The following REEP1 variants were observed in gnomAD, a reference collection of about 807,000 sequenced individuals.
The protein encoded by REEP1 is receptor accessory protein 1, also known as receptor expression-enhancing protein 1.
Under a neutral mutation model 40.3 loss-of-function variants are expected in REEP1, and 22 were observed. The ratio of observed to expected loss-of-function variants is 0.55; its 90% CI spans 0.39 to 0.78. REEP1 has a LOEUF of 0.78. Ranked by LOEUF, REEP1 falls within the 30% of genes least tolerant of loss-of-function variation. REEP1 has a pLI of 0.00. For missense variants in REEP1, 280 were observed against 361.1 expected (o/e 0.78, Z 1.82); for synonymous variants, 116 against 139.2 (o/e 0.83, Z 1.17).
chr2:86,278,103 G>A (rs1203956204), intron 2 of REEP1, among the ~76,000 whole-genome samples: 1 of 152,060 alleles, frequency 6.6e-6, no homozygotes, highest in Non-Finnish European at 1.5e-5. Flanking sequence ...TTCAACATGT[G>A]TTCATTTTAT....
At chr2:86,243,795 T>G (rs894946453) in intron 5 of REEP1, among the ~76,000 whole-genome samples, 1 of 152,226 alleles carries the variant, frequency 6.6e-6, no homozygotes, top group Non-Finnish European at 1.5e-5. Context: ...ATTCTAAATA[T>G]TAACTTCATG....
At chr2:86,278,253 G>T (rs1677873855) in intron 2 of REEP1, among the ~76,000 whole-genome samples, 1 of 152,142 alleles carries the variant, frequency 6.6e-6, no homozygotes, top group South Asian at 2.1e-4. Context: ...TCTAAGTATA[G>T]ATTTTAATAT....
At chr2:86,221,967 G>A (rs1443629537) in intron 7 of REEP1, among the ~76,000 whole-genome samples, 1 of 152,150 alleles carries the variant, frequency 6.6e-6, no homozygotes, top group Non-Finnish European at 1.5e-5. Flanking sequence ...CATGGAAGTG[G>A]GGTGGGTACC....
At chr2:86,316,798 G>A (rs1449656610) in intron 1 of REEP1, among the ~76,000 whole-genome samples, 1 of 152,164 alleles carries the variant, frequency 6.6e-6, no homozygotes, top group Admixed American at 6.5e-5. Context: ...GGCAGAGGTT[G>A]CAGTGGGCCG....
chr2:86,294,886 A>G (rs1678901351), intron 1 of REEP1, among the ~76,000 whole-genome samples: 1 of 152,198 alleles, frequency 6.6e-6, no homozygotes, highest in Admixed American at 6.5e-5. Context: ...AGAAGGGCTC[A>G]GAACTGCTAA....
intron 5 of REEP1, among the ~76,000 whole-genome samples, chr2:86,240,319 A>T (rs1255903851): frequency 6.6e-6 from 1 of 152,226 alleles, no homozygotes; most frequent in East Asian, 1.9e-4. Context: ...GCATCAAGAC[A>T]CAAAAGTGCA....
chr2:86,308,479 T>C (rs1679608428), intron 1 of REEP1, among the ~76,000 whole-genome samples: 1 of 152,148 alleles, frequency 6.6e-6, no homozygotes, highest in African/African-American at 2.4e-5. Context: ...CGCTTGAGCA[T>C]GGCAGGCGAA....
chr2:86,283,207 G>A (rs1378478930), intron 1 of REEP1, among the ~76,000 whole-genome samples: 1 of 152,220 alleles, frequency 6.6e-6, no homozygotes. Context: ...TAAGTGCCTT[G>A]AGGGCAGATA....
At chr2:86,329,660 A>T (rs1680674106) in intron 1 of REEP1, among the ~76,000 whole-genome samples, 1 of 152,088 alleles carries the variant, frequency 6.6e-6, no homozygotes, top group Non-Finnish European at 1.5e-5. Flanking sequence ...CTCAGGCTTT[A>T]TGGGGATCTT....
intron 1 of REEP1, among the ~76,000 whole-genome samples, chr2:86,333,207 T>G (rs576955401): frequency 3.9e-4 from 60 of 152,320 alleles, no homozygotes; most frequent in African/African-American, 1.4e-3. Flanking sequence ...TAGCTTATAT[T>G]TAAGGATTTA....
chr2:86,219,897 C>T (rs895576595), intron 8 of REEP1, 73 bp downstream of exon 8: 1 of 1,184,122 alleles, frequency 8.4e-7, no homozygotes, highest in Non-Finnish European at 1.1e-6. Context: ...GATGCTGCTC[C>T]CAGGACCCCC....
intron 1 of REEP1, among the ~76,000 whole-genome samples, chr2:86,294,308 CAATTA>C (rs1192346119): frequency 6.6e-6 from 1 of 151,952 alleles, no homozygotes; most frequent in Non-Finnish European, 1.5e-5. Flanking sequence ...GCTTTTATCA[CAATTA>C]AAATAAAATA....
intron 5 of REEP1, among the ~76,000 whole-genome samples, chr2:86,234,562 T>C (rs909923917): frequency 1.3e-5 from 2 of 152,006 alleles, no homozygotes; most frequent in Non-Finnish European, 2.9e-5. Flanking sequence ...AAAAGCAAGA[T>C]GCACTAAAAT....
Position 86,334,392 on chromosome 2 carries a change from G to A in REEP1, c.32+3087C>T, listed in dbSNP as rs115105547. 2.0e-3 allele frequency among the ~76,000 whole-genome samples: 306 copies of A among 152,232 alleles called. 1 individual carries two copies. The highest frequency in any genetic ancestry group is 7.0e-3 in the African/African-American group (292 of 41,510). ...CATGAAAAGATTACTTATACAAAAC[G>A]TGACTCGCGGATAAAACCATAGGAT... On this transcript the variant is annotated intron_variant, in intron 1 of 8. Transcript: ENST00000538924.
chr2:86,226,096 C>CCACCAT (rs1276943671), intron 7 of REEP1, among the ~76,000 whole-genome samples: 1 of 144,772 alleles, frequency 6.9e-6, no homozygotes, highest in South Asian at 2.2e-4. Context: ...ACCACCACCA[C>CCACCAT]CACCACCACC....
chr2:86,237,264 CT>C (rs1675411529), intron 5 of REEP1, among the ~76,000 whole-genome samples: 1 of 152,178 alleles, frequency 6.6e-6, no homozygotes, highest in African/African-American at 2.4e-5. Context: ...CTCACTGACA[CT>C]TTCTGGTATG....
intron 7 of REEP1, among the ~76,000 whole-genome samples, chr2:86,220,694 A>G (rs2103966676): frequency 8.0e-6 from 1 of 125,216 alleles, no homozygotes; most frequent in Middle Eastern, 4.3e-3. Flanking sequence ...AAAGCTATAT[A>G]GTTTTTTTGT....
intron 1 of REEP1, 39 bp from the exon 2 acceptor site, chr2:86,282,281 T>C: frequency 1.4e-6 from 2 of 1,412,484 alleles, no homozygotes; most frequent in Non-Finnish European, 2.0e-6. Flanking sequence ...CGATTTTTCA[T>C]TTATCTTATT....
At chr2:86,324,818 G>C (rs1230343859) in intron 1 of REEP1, among the ~76,000 whole-genome samples, 1 of 152,172 alleles carries the variant, frequency 6.6e-6, no homozygotes, top group African/African-American at 2.4e-5. Context: ...AAACACACAA[G>C]AATGCTCACT....
Sources: allele counts gnomAD v4.1 joint callset (sites outside exome capture counted in the v4.1 genomes callset), GRCh38; gene constraint gnomAD v4.1.1; transcripts MANE v1.5; gene names NCBI Gene and HGNC (gene_info 2026-07-23, HGNC 2026-07-21).